The following SHC4 variants were observed in gnomAD, a reference collection of about 807,000 sequenced individuals.
SHC4 encodes SHC adaptor protein 4.
Under a neutral mutation model 69.4 loss-of-function variants are expected in SHC4, and 41 were observed. The ratio of observed to expected loss-of-function variants is 0.59; its 90% CI spans 0.46 to 0.77. SHC4 has a LOEUF of 0.77. Ranked by LOEUF, SHC4 falls within the 30% of genes least tolerant of loss-of-function variation. The pLI, the probability that SHC4 is intolerant of heterozygous loss-of-function variation, is 0.00. For synonymous variants in SHC4, 318 were observed against 299.3 expected (o/e 1.06, Z -0.64); for missense variants, 777 against 783.8 (o/e 0.99, Z 0.10).
chr15:48,956,970 CTTTCTTTTTTTT>C (rs1175690371), intron 1 of SHC4, among the ~76,000 whole-genome samples: 3 of 70,168 alleles, frequency 4.3e-5, no homozygotes, highest in African/African-American at 1.6e-4. Context: ...TTCTTTCTTT[CTTTCTTTTTTTT>C]TTTTTTTTTT....
intron 2 of SHC4, among the ~76,000 whole-genome samples, chr15:48,914,431 C>T (rs62010881): frequency 0.017 from 2,513 of 152,282 alleles, 47 homozygotes; most frequent in Non-Finnish European, 0.021. Context: ...TTTGCGGTTG[C>T]AGAAGCTCTG....
At chr15:48,883,217 T>A (rs143433957) in intron 4 of SHC4, among the ~76,000 whole-genome samples, 6 of 152,268 alleles carry the variant, frequency 3.9e-5, no homozygotes, top group African/African-American at 1.4e-4. Context: ...GACTGGCACA[T>A]GCTATATAAT....
At chr15:48,832,927 A>G (rs1453999184) in intron 11 of SHC4, among the ~76,000 whole-genome samples, 1 of 151,960 alleles carries the variant, frequency 6.6e-6, no homozygotes, top group African/African-American at 2.4e-5. Flanking sequence ...CTCTCTGTTG[A>G]TATTCTGACT....
chr15:48,923,108 T>C (rs1207664422), intron 2 of SHC4, among the ~76,000 whole-genome samples: 3 of 152,136 alleles, frequency 2.0e-5, no homozygotes, highest in Non-Finnish European at 4.4e-5. Context: ...ATACCAAGGA[T>C]AGACTGAGAG....
At position 48,864,509 on chromosome 15, in the gene SHC4, G is replaced by A. The variant is rs550835461; in HGVS notation, c.946+3309C>T. Among the ~76,000 whole-genome samples the A allele has an allele frequency of 5.4e-5, 7 of 129,182 alleles. No individual in the cohort carries two copies. The South Asian group carries it at 1.0e-3, about 19-fold the overall frequency. The allele number at this position is 129,182 out of a possible 152,430, so 84.7% of individuals were successfully genotyped here. On this transcript the variant is annotated intron_variant, in intron 6 of 11. Coordinates refer to ENST00000332408, the MANE Select transcript of SHC4 (RefSeq NM_203349.4). ...GTCGCCCAGGCTGGAGTGCAGTGGC[G>A]TGATCTTGGCTCACTGCAAGCTCCG...
rs1488594006 is a variant in SHC4, at chr15:48,946,392, A to C, written c.585+16039T>G. Among the ~76,000 whole-genome samples, 6 of 152,158 alleles carry C rather than the reference A, an allele frequency of 3.9e-5. No homozygotes were observed. In the South Asian group the frequency reaches 1.0e-3, roughly 26 times the overall value. ...TGCTTCCTGGAGGCCTCCAGAATCA[A>C]TACTCACTCCTTGCCAGGGCCGAGG... On this transcript the variant is annotated intron_variant, in intron 1 of 11. Transcript: ENST00000332408.
chr15:48,963,110 G>T lies in SHC4; in HGVS notation c.-95C>A. 1 of 1,279,470 alleles carries T rather than the reference G, an allele frequency of 7.8e-7. No individual in the cohort carries two copies. Among genetic ancestry groups the T allele is most frequent in the Non-Finnish European group, 1.1e-6 (1 of 930,220 alleles). 79.3% of individuals were successfully genotyped at this position (1,279,470 alleles called of 1,614,324 possible). A position where few individuals can be genotyped will look rare whatever the true frequency, so the allele number is the denominator to read the frequency against. ...GACATCAGATACCTCAACGCCCGAT[G>T]CAACTCACAGCAGCCACCTCTCCAA... is the stretch of plus-strand genomic sequence containing the variant. On this transcript the variant is annotated 5_prime_UTR_variant, in exon 1 of 12. Coordinates refer to ENST00000332408, the MANE Select transcript of SHC4 (RefSeq NM_203349.4).
chr15:48,963,064 G>T lies in SHC4; in HGVS notation c.-49C>A. On this transcript the variant is annotated 5_prime_UTR_variant, in exon 1 of 12. Coordinates refer to ENST00000332408, the MANE Select transcript of SHC4 (RefSeq NM_203349.4). ...ATACTGTTGCATAAATCGCCTCGTC[G>T]TCTGGTAGATAAACGGTGCAGACAT... The T allele has an allele frequency of 1.3e-6, 2 of 1,538,274 alleles. No individual in the cohort carries two copies. Among genetic ancestry groups the T allele is most frequent in the Non-Finnish European group, 1.8e-6 (2 of 1,138,402 alleles).
intron 1 of SHC4, among the ~76,000 whole-genome samples, chr15:48,958,886 G>C (rs1901494923): frequency 6.6e-6 from 1 of 152,228 alleles, no homozygotes; most frequent in South Asian, 2.1e-4. Context: ...GGATCTCACT[G>C]TCCTATTTCT....
intron 2 of SHC4, among the ~76,000 whole-genome samples, chr15:48,892,588 T>C (rs963720635): frequency 1.3e-5 from 2 of 152,156 alleles, no homozygotes; most frequent in African/African-American, 4.8e-5. Flanking sequence ...GCACTGATAC[T>C]GCCGAAATAG....
At chr15:48,842,845 C>T (rs911671696) in intron 10 of SHC4, among the ~76,000 whole-genome samples, 4 of 152,102 alleles carry the variant, frequency 2.6e-5, no homozygotes, top group South Asian at 2.1e-4. Flanking sequence ...ATGAGAGGAT[C>T]GCTTGAGCCC....
chr15:48,925,581 A>G (rs145435708), intron 1 of SHC4, among the ~76,000 whole-genome samples: 2 of 152,332 alleles, frequency 1.3e-5, no homozygotes, highest in African/African-American at 4.8e-5. Context: ...GGGGTTCTTG[A>G]CAGGACAAAA....
intron 9 of SHC4, among the ~76,000 whole-genome samples, chr15:48,846,231 G>A (rs924775005): frequency 4.6e-5 from 7 of 152,134 alleles, no homozygotes; most frequent in Non-Finnish European, 8.8e-5. Flanking sequence ...CTATCTGAGC[G>A]GTCTGGGATG....
intron 1 of SHC4, among the ~76,000 whole-genome samples, chr15:48,952,888 C>A (rs560466539): frequency 2.6e-5 from 4 of 152,236 alleles, no homozygotes; most frequent in South Asian, 2.1e-4. Context: ...GACAGAAATA[C>A]CATTTGACCC....
At chr15:48,949,847 ATATAT>A (rs1901337150) in intron 1 of SHC4, among the ~76,000 whole-genome samples, 1 of 145,962 alleles carries the variant, frequency 6.9e-6, no homozygotes, top group Non-Finnish European at 1.5e-5. Flanking sequence ...TGTAATATTT[ATATAT>A]TATAATTAGT....
chr15:48,919,295 A>ATTTTTTTTTTTTTTTTTTTTTTTTT (rs386382928), intron 2 of SHC4, among the ~76,000 whole-genome samples: 1,697 of 71,196 alleles, frequency 0.024, 407 homozygotes, highest in Non-Finnish European at 0.032. Context: ...ATTTATTTTA[A>ATTTTTTTTTTTTTTTTTTTTTTTTT]TTTTTTTTTT....
In SHC4 at chr15:48,894,620, CT is replaced by C. The variant is rs1900191474; in HGVS notation, c.657-3810del. ...TTTGTAGCCACTAAATCCAGATTTC[CT>C]TTTTCAGTTTTTTAAGTAGAGTTAC... On this transcript the variant is annotated intron_variant, in intron 2 of 11. Transcript: ENST00000332408. Among the ~76,000 whole-genome samples, 3 of 152,058 alleles carry C rather than the reference CT, an allele frequency of 2.0e-5. No homozygotes were observed. In the South Asian group the frequency reaches 6.2e-4, roughly 32 times the overall value.
chr15:48,878,195 T>G (rs754982674), intron 4 of SHC4: 1 of 1,562,070 alleles, frequency 6.4e-7, no homozygotes, highest in Non-Finnish European at 8.7e-7. Context: ...AATGGCTGAG[T>G]TGTCCGAGCT....
intron 4 of SHC4, among the ~76,000 whole-genome samples, chr15:48,873,833 A>C (rs1041749521): frequency 2.0e-5 from 3 of 152,236 alleles, no homozygotes; most frequent in Non-Finnish European, 2.9e-5. Flanking sequence ...ACTAATAAGA[A>C]TCATGTAATG....
Sources: allele counts gnomAD v4.1 joint callset (sites outside exome capture counted in the v4.1 genomes callset), GRCh38; gene constraint gnomAD v4.1.1; transcripts MANE v1.5; gene names NCBI Gene and HGNC (gene_info 2026-07-23, HGNC 2026-07-21).